The following GDF1 variants were observed in gnomAD, a reference collection of about 807,000 sequenced individuals.
GDF1 encodes the protein growth differentiation factor 1.
GDF1 carries 8 observed loss-of-function variants against 7.4 expected under a neutral mutation model. The observed-to-expected ratio is 1.09, with a 90% CI of 0.64 to 1.96. GDF1 has a LOEUF of 1.96. Ranked by LOEUF, GDF1 falls within the 30% of genes most tolerant of loss-of-function variation. The pLI is 0.00. For synonymous variants in GDF1, 311 were observed against 276.7 expected, an observed-to-expected ratio of 1.12 and a Z score of -1.23; for missense variants, 574 against 551.5, an observed-to-expected ratio of 1.04 and a Z score of -0.41.
In GDF1 at chr19:18,868,950, C is replaced by T. The variant is rs978187037; in HGVS notation, c.766G>A (p.Glu256Lys). Residue 256 changes from glutamate (E) to lysine (K), a missense_variant, in exon 8 of 8, where the codon GAA becomes AAA. Coordinates refer to ENST00000247005, the MANE Select transcript of GDF1 (RefSeq NM_001492.6). The stretch of plus-strand genomic sequence containing the variant: ...CCGGGGCCGCCGCCCAACACGGGTT[C>T]GGCGTCGCGCCGCGGCCGGGCCAGG... ...HPLARPRRDA[E>K]PVLGGGPGGA... 5 of 1,199,986 alleles carry T rather than the reference C, an allele frequency of 4.2e-6. No individual in the cohort carries two copies. The African/African-American group carries it at 6.7e-5, about 16-fold the overall frequency. 74.3% of individuals were successfully genotyped at this position (1,199,986 alleles called of 1,614,324 possible).
At chr19:18,885,366 A>T (rs1421263003) in intron 2 of GDF1, among the ~76,000 whole-genome samples, 2 of 150,394 alleles carry the variant, frequency 1.3e-5, no homozygotes, top group Non-Finnish European at 3.0e-5. Flanking sequence ...ATGCCTAGAT[A>T]ATTTATTTCT....
At chr19:18,893,693 TC>T in intron 1 of GDF1, 118 bp from the exon 2 acceptor site, 2 of 1,032,018 alleles carry the variant, frequency 1.9e-6, no homozygotes, top group Non-Finnish European at 2.8e-6. Context: ...GGAAGGCCTG[TC>T]CCCCATGCCC....
At position 18,870,238 on chromosome 19, in the gene GDF1, G is replaced by A; in HGVS notation, c.70C>T (p.Leu24=). ...GGCACGGGGGCGCGGGTCAGGGGCA[G>A]CGAGGGCAGCAGCAGGGCCAGGAGG... The part of the protein sequence containing the change: ...LLLLALLLPS[L]PLTRAPVPPG... Residue 24 remains leucine, a synonymous_variant, in exon 7 of 8, where the codon CTG becomes TTG. Coordinates refer to ENST00000247005, the MANE Select transcript of GDF1 (RefSeq NM_001492.6). This position sits in a 1 kb window ranked among gnomAD's most constrained non-coding sequence, Gnocchi z 5.1. 2 of 1,551,008 alleles carry A rather than the reference G, an allele frequency of 1.3e-6. No individual in the cohort carries two copies. The highest frequency in any genetic ancestry group is 1.7e-6 in the Non-Finnish European group (2 of 1,151,772).
At position 18,870,356 on chromosome 19, in the gene GDF1, G is replaced by A. The variant is rs1312188232; in HGVS notation, c.-49C>T. On this transcript the variant is annotated 5_prime_UTR_variant, in exon 7 of 8. Coordinates refer to ENST00000247005, the MANE Select transcript of GDF1 (RefSeq NM_001492.6). This position sits in a 1 kb window ranked among gnomAD's most constrained non-coding sequence, Gnocchi z 5.1. Reference sequence around the variant, plus strand: ...GAGTGCGCAGGGTCCGCGGCGGCCCGGGACCAGTGGGCTGAGGGCGGGGCC... The same window carrying A: ...GAGTGCGCAGGGTCCGCGGCGGCCCAGGACCAGTGGGCTGAGGGCGGGGCC... 1.3e-6 allele frequency: 2 copies of A among 1,539,606 alleles called. No individual in the cohort carries two copies. The highest frequency in any genetic ancestry group is 1.7e-6 in the Non-Finnish European group (2 of 1,144,632).
At chr19:18,885,515 T>TTTG (rs539140878) in intron 2 of GDF1, among the ~76,000 whole-genome samples, 1,324 of 19,396 alleles carry the variant, frequency 0.068, 30 homozygotes, top group African/African-American at 0.12. Flanking sequence ...CTTCTCGTTT[T>TTTG]TTTTTTTTTT....
In GDF1 at chr19:18,895,959, C is replaced by A; in HGVS notation, c.-1209G>T. ...GACGCGCCAGCCCCCAGCCGCAGTC[C>A]GTGCAGCCCCGCGCCGCCGCCAGCG... On this transcript the variant is annotated 5_prime_UTR_variant, in exon 1 of 8. Transcript: ENST00000247005. This position sits in a 1 kb window ranked among gnomAD's most constrained non-coding sequence, Gnocchi z 6.4. 1.8e-6 allele frequency: 2 copies of A among 1,091,296 alleles called. No individual in the cohort carries two copies. The highest frequency in any genetic ancestry group is 4.2e-4 in the Middle Eastern group (1 of 2,396). The allele number at this position is 1,091,296 out of a possible 1,614,324, so 67.6% of individuals were successfully genotyped here.
chr19:18,870,025 G>A lies in GDF1; in HGVS notation c.283C>T (p.Leu95=), dbSNP rs1484043348. The A allele has an allele frequency of 6.3e-7, 1 of 1,597,152 alleles. No homozygotes were observed. The highest frequency in any genetic ancestry group is 1.7e-5 in the Admixed American group (1 of 58,500). ...VTLQPCHVEE[L]GVAGNIVRHI... Reference sequence around the variant, plus strand: ...CGCACGATGTTTCCGGCGACCCCCAGCTCCTCCACGTGGCACGGTTGCAGG... The same window carrying A: ...CGCACGATGTTTCCGGCGACCCCCAACTCCTCCACGTGGCACGGTTGCAGG... The change falls in exon 7 of 8, where the codon CTG becomes TTG. Residue 95 remains leucine (L), a synonymous_variant. Coordinates refer to ENST00000247005, the MANE Select transcript of GDF1 (RefSeq NM_001492.6). The surrounding 1 kb of genome is among the most constrained non-coding windows in gnomAD (Gnocchi z 5.1).
intron 1 of GDF1, among the ~76,000 whole-genome samples, chr19:18,894,392 G>A (rs965239816): frequency 2.6e-5 from 4 of 152,070 alleles, no homozygotes; most frequent in East Asian, 1.9e-4. Context: ...AGCCGGCTCC[G>A]GTAACCCCTG....
chr19:18,869,436 C>A, intron 7 of GDF1, 46 bp from the exon 8 acceptor site: 1 of 1,519,702 alleles, frequency 6.6e-7, no homozygotes, highest in Middle Eastern at 2.3e-4. Context: ...CGTCCCCGGC[C>A]TGCCCATGGG....
Position 18,895,863 on chromosome 19 carries a change from C to A in GDF1, c.-1113G>T. 1 of 1,294,710 alleles carries A rather than the reference C, an allele frequency of 7.7e-7. No individual in the cohort carries two copies. The highest frequency in any genetic ancestry group is 9.8e-7 in the Non-Finnish European group (1 of 1,021,904). The allele number at this position is 1,294,710 out of a possible 1,614,324, so 80.2% of individuals were successfully genotyped here. A position where few individuals can be genotyped will look rare whatever the true frequency, so the allele number is the denominator to read the frequency against. On this transcript the variant is annotated 5_prime_UTR_variant, in exon 1 of 8. Coordinates refer to ENST00000247005, the MANE Select transcript of GDF1 (RefSeq NM_001492.6). The surrounding 1 kb of genome is among the most constrained non-coding windows in gnomAD (Gnocchi z 6.4). ...CAGTGGCCGCGGAGCGCAGGGCGGT[C>A]CAGCCCAGCGCGCCGAGCGCCAGCA...
At chr19:18,890,057 G>C (rs2056454212) in intron 2 of GDF1, among the ~76,000 whole-genome samples, 1 of 152,192 alleles carries the variant, frequency 6.6e-6, no homozygotes, top group Admixed American at 6.6e-5. Flanking sequence ...AACCCAGGGT[G>C]ACATCCCTCC....
At position 18,870,164 on chromosome 19, in the gene GDF1, C is replaced by A; in HGVS notation, c.144G>T (p.Glu48Asp). The A allele has an allele frequency of 6.4e-7, 1 of 1,562,328 alleles. No individual in the cohort carries two copies. The highest frequency in any genetic ancestry group is 8.6e-7 in the Non-Finnish European group (1 of 1,159,972). Reference protein sequence around the residue: ...ALLQALGLRDEPQGAPRLRPV... With the variant: ...ALLQALGLRDDPQGAPRLRPV... ...GCCGGAGCCTGGGGGCACCCTGGGG[C>A]TCATCGCGCAGTCCTAGAGCCTGGA... The change falls in exon 7 of 8, where the codon GAG (glutamate) becomes GAT (aspartate). Residue 48 changes from glutamate (E) to aspartate (D), a missense_variant. Transcript: ENST00000247005. This position sits in a 1 kb window ranked among gnomAD's most constrained non-coding sequence, Gnocchi z 5.1.
intron 2 of GDF1, among the ~76,000 whole-genome samples, chr19:18,886,933 A>G (rs892161058): frequency 1.3e-5 from 2 of 152,036 alleles, no homozygotes; most frequent in Non-Finnish European, 2.9e-5. Context: ...GGCCCCCATG[A>G]CTGTTTGTCC....
intron 3 of GDF1, chr19:18,881,911 G>C (rs2056220342): frequency 6.6e-6 from 1 of 152,252 alleles, no homozygotes; most frequent in African/African-American, 2.4e-5. Context: ...CCGGGTTCAA[G>C]CGATTCTCCC....
rs2055915145 is a variant in GDF1 at position 18,869,267 on chromosome 19, C to A, written c.449G>T (p.Arg150Leu). 2.7e-6 allele frequency: 4 copies of A among 1,473,326 alleles called. No homozygotes were observed. The East Asian group carries it at 8.7e-5, about 32-fold the overall frequency. 91.3% of individuals were successfully genotyped at this position (1,473,326 alleles called of 1,614,324 possible). The change falls in exon 8 of 8, where the codon CGT (arginine) becomes CTT (leucine). Residue 150 changes from arginine (R) to leucine (L), a missense_variant. Arg to Leu is a moderately radical substitution (Grantham distance 102). Transcript: ENST00000247005. The part of the protein sequence containing the change: ...ERPSRARLEL[R>L]FAAAAAAAPE... ...GGCTGCCGCCGCCGCCGCCGCGAAA[C>A]GCAGCTCCAGGCGGGCCCGGCTCGG...
chr19:18,873,123 G>T (rs2056003907), intron 6 of GDF1, among the ~76,000 whole-genome samples: 1 of 152,132 alleles, frequency 6.6e-6, no homozygotes, highest in South Asian at 2.1e-4. Context: ...TCTTGCAAGG[G>T]TTTTGCCCCA....
Position 18,877,091 on chromosome 19 carries a change from G to A in GDF1, c.-313+1839C>T, listed in dbSNP as rs149818088. Among the ~76,000 whole-genome samples the A allele has an allele frequency of 1.8e-3, 278 of 152,306 alleles. 1 individual carries two copies. Among genetic ancestry groups the A allele is most frequent in the African/African-American group, 5.8e-3 (240 of 41,574 alleles). ...TTTTATACCCAACTGCACTAACTCC[G>A]GCTGTCCTTGGAGAATCGAATTCTG... On this transcript the variant is annotated intron_variant, in intron 6 of 7. Transcript: ENST00000247005.
chr19:18,895,746 G>T lies in GDF1; in HGVS notation c.-1074+78C>A. The stretch of plus-strand genomic sequence containing the variant: ...GCAGCCAGCGCTGGAAGAAAGGAAC[G>T]CGCCGGCGGCCCCAGGTCCCCGGTC... On this transcript the variant is annotated intron_variant, in intron 1 of 7. Transcript: ENST00000247005. This position sits in a 1 kb window ranked among gnomAD's most constrained non-coding sequence, Gnocchi z 6.4. 1 of 785,242 alleles carries T rather than the reference G, an allele frequency of 1.3e-6. No individual in the cohort carries two copies. The highest frequency in any genetic ancestry group is 1.7e-6 in the Non-Finnish European group (1 of 605,254). The allele number at this position is 785,242 out of a possible 1,614,324, so 48.6% of individuals were successfully genotyped here.
At position 18,895,845 on chromosome 19, in the gene GDF1, C is replaced by A. The variant is rs1290674754; in HGVS notation, c.-1095G>T. The A allele has an allele frequency of 1.5e-6, 2 of 1,293,894 alleles. No homozygotes were observed. Among genetic ancestry groups the A allele is most frequent in the East Asian group, 3.4e-5 (1 of 29,384 alleles). The allele number at this position is 1,293,894 out of a possible 1,614,324, so 80.2% of individuals were successfully genotyped here. ...TGACCCGAAAGAGGCGCGCAGTGGC[C>A]GCGGAGCGCAGGGCGGTCCAGCCCA... On this transcript the variant is annotated 5_prime_UTR_variant, in exon 1 of 8. Coordinates refer to ENST00000247005, the MANE Select transcript of GDF1 (RefSeq NM_001492.6). This position sits in a 1 kb window ranked among gnomAD's most constrained non-coding sequence, Gnocchi z 6.4.
Sources: gnomAD v4.1 joint callset for allele counts (sites outside exome capture counted in the v4.1 genomes callset) on GRCh38, gnomAD v4.1.1 for gene constraint, Gnocchi (gnomAD v3.1) non-coding constraint, MANE v1.5 for transcripts, NCBI Gene and HGNC (gene_info 2026-07-23, HGNC 2026-07-21) for gene names.